The following PSPH variants were observed in gnomAD, a reference collection of about 807,000 sequenced individuals.
PSPH encodes phosphoserine phosphatase.
In PSPH, 16 loss-of-function variants were observed where a neutral mutation model predicts 23.4. The observed-to-expected ratio is 0.68, with a 90% confidence interval of 0.46 to 1.04. The LOEUF is 1.04. Ranked by LOEUF, PSPH falls within the 50% of genes least tolerant of loss-of-function variation. The probability of loss-of-function intolerance (pLI) is 0.00; values close to 1 mark genes in which losing one functional copy is unlikely to be tolerated. For synonymous variants in PSPH, 68 were observed against 99.7 expected, an observed-to-expected ratio of 0.68 and a Z score of 1.89; for missense variants, 223 against 273.7, an observed-to-expected ratio of 0.81 and a Z score of 1.31.
intron 1 of PSPH, among the ~76,000 whole-genome samples, chr7:56,041,570 A>C (rs1299274462): frequency 6.6e-6 from 1 of 152,024 alleles, no homozygotes. Flanking sequence ...AGTGAGCCCT[A>C]ATCTAATGTG....
chr7:56,026,551 C>T (rs545345052), intron 3 of PSPH, among the ~76,000 whole-genome samples: 2 of 148,150 alleles, frequency 1.3e-5, no homozygotes, highest in Non-Finnish European at 1.5e-5. Context: ...TGCCTGTTCC[C>T]AGGACTTTGG....
intron 3 of PSPH, among the ~76,000 whole-genome samples, chr7:56,023,450 TG>T (rs1312807146): frequency 6.6e-6 from 1 of 151,668 alleles, no homozygotes; most frequent in Non-Finnish European, 1.5e-5. Context: ...TTTGAAGAGA[TG>T]GGGGTCTTGC....
At chr7:56,048,266 C>T (rs1793512780) in intron 1 of PSPH, among the ~76,000 whole-genome samples, 1 of 141,122 alleles carries the variant, frequency 7.1e-6, no homozygotes, top group African/African-American at 2.6e-5. Flanking sequence ...GGCAAAAGAG[C>T]AACACTCTGT....
At chr7:56,041,265 T>C (rs867102093) in intron 1 of PSPH, among the ~76,000 whole-genome samples, 13 of 146,482 alleles carry the variant, frequency 8.9e-5, no homozygotes, top group African/African-American at 2.5e-4. Flanking sequence ...TAGGCTGGAG[T>C]GCAGTGGCAC....
intron 6 of PSPH, 67 bp from the exon 7 acceptor site, chr7:56,015,238 A>G (rs1222920608): frequency 1.9e-6 from 3 of 1,561,470 alleles, no homozygotes; most frequent in African/African-American, 2.7e-5. Flanking sequence ...AGCTTTCTGC[A>G]TAGATGATAT....
At chr7:56,013,327 G>A (rs1788184900) in intron 7 of PSPH, among the ~76,000 whole-genome samples, 1 of 151,814 alleles carries the variant, frequency 6.6e-6, no homozygotes, top group Non-Finnish European at 1.5e-5. Context: ...AGATTAGCCT[G>A]GGCAACATAG....
chr7:56,016,107 A>G (rs1252646823), intron 6 of PSPH, among the ~76,000 whole-genome samples: 1 of 151,190 alleles, frequency 6.6e-6, no homozygotes, highest in Non-Finnish European at 1.5e-5. Context: ...AGATCATTCA[A>G]GAATGTTCTG....
At chr7:56,032,664 A>C (rs1791179759) in intron 2 of PSPH, among the ~76,000 whole-genome samples, 2 of 145,480 alleles carry the variant, frequency 1.4e-5, no homozygotes, top group South Asian at 4.4e-4. Flanking sequence ...AAAAAAAAAA[A>C]AAAAGGCCGG....
chr7:56,047,698 G>C lies in PSPH; in HGVS notation c.-292+3440C>G, dbSNP rs1450217477. On this transcript the variant is annotated intron_variant, in intron 1 of 7. Coordinates refer to ENST00000275605, the MANE Select transcript of PSPH (RefSeq NM_004577.4). ...TTTTTTTTTTTTTGATAAGAGCCTC[G>C]CTCTGTCACCCAGGCTGGAGTGCAG... 2.7e-5 allele frequency among the ~76,000 whole-genome samples: 4 copies of C among 145,624 alleles called. No individual in the cohort carries two copies. In the South Asian group the frequency reaches 6.5e-4, roughly 24 times the overall value.
At chr7:56,037,340 T>G (rs1791850031) in intron 1 of PSPH, among the ~76,000 whole-genome samples, 1 of 152,010 alleles carries the variant, frequency 6.6e-6, no homozygotes, top group African/African-American at 2.4e-5. Flanking sequence ...TATTAGCAAA[T>G]TATTTTGCAA....
intron 1 of PSPH, among the ~76,000 whole-genome samples, chr7:56,048,910 G>C (rs897269358): frequency 1.3e-5 from 2 of 151,088 alleles, no homozygotes; most frequent in African/African-American, 4.9e-5. Context: ...CATCCTCTAG[G>C]GTTTTTTTGG....
rs13227670 is a variant in PSPH at position 56,029,291 on chromosome 7, T to G, written c.-20+2638A>C. 9.4e-3 allele frequency among the ~76,000 whole-genome samples: 1,433 copies of G among 152,198 alleles called. 13 individuals carry two copies. Among genetic ancestry groups the G allele is most frequent in the South Asian group, 0.021 (101 of 4,816 alleles). ...TCATTGCCAGAGAATGGACTCTGGATTCTTCGTATTTGGCTCTAACAGGGA... is the reference window on the plus strand; with the variant it reads ...TCATTGCCAGAGAATGGACTCTGGAGTCTTCGTATTTGGCTCTAACAGGGA... On this transcript the variant is annotated intron_variant, in intron 3 of 7. Coordinates refer to ENST00000275605, the MANE Select transcript of PSPH (RefSeq NM_004577.4).
chr7:56,042,426 G>A (rs1792674162), intron 1 of PSPH, among the ~76,000 whole-genome samples: 1 of 152,020 alleles, frequency 6.6e-6, no homozygotes, highest in African/African-American at 2.4e-5. Context: ...CAAAGCAGAA[G>A]GATTGCTTGA....
At chr7:56,037,527 T>A (rs551930556) in intron 1 of PSPH, among the ~76,000 whole-genome samples, 1 of 151,946 alleles carries the variant, frequency 6.6e-6, no homozygotes, top group African/African-American at 2.4e-5. Flanking sequence ...CAAGCAATCT[T>A]CCTGCCTCAG....
chr7:56,023,264 A>AC (rs1789715730), intron 3 of PSPH, among the ~76,000 whole-genome samples: 1 of 145,442 alleles, frequency 6.9e-6, no homozygotes, highest in Admixed American at 6.9e-5. Context: ...GTCAAAACAA[A>AC]TTTTTTTTTT....
chr7:56,019,817 C>A, intron 4 of PSPH, 83 bp from the exon 5 acceptor site: 1 of 1,571,966 alleles, frequency 6.4e-7, no homozygotes, highest in Non-Finnish European at 8.6e-7. Flanking sequence ...GTCTGCACGA[C>A]ATCCACCAAA....
rs532603179 is a variant in PSPH at position 56,011,897 on chromosome 7, G to T, written c.571-28C>A. On this transcript the variant is annotated intron_variant, in intron 7 of 7. Coordinates refer to ENST00000275605, the MANE Select transcript of PSPH (RefSeq NM_004577.4). Reference sequence around the variant, plus strand: ...AAGAAGGAAGAAAAGAGAGAGAAATGATTTTTATTTTTATTTATTTATTTA... The same window carrying T: ...AAGAAGGAAGAAAAGAGAGAGAAATTATTTTTATTTTTATTTATTTATTTA... The T allele has an allele frequency of 4.8e-4, 736 of 1,537,968 alleles. 7 individuals carry two copies. The South Asian group carries it at 7.1e-3, about 15-fold the overall frequency.
At chr7:56,040,902 CA>C (rs1355816783) in intron 1 of PSPH, among the ~76,000 whole-genome samples, 1 of 152,020 alleles carries the variant, frequency 6.6e-6, no homozygotes, top group African/African-American at 2.4e-5. Flanking sequence ...GGGCAAGCCT[CA>C]ATCAAGCAGA....
intron 1 of PSPH, among the ~76,000 whole-genome samples, chr7:56,037,627 C>T (rs2117025281): frequency 6.6e-6 from 1 of 152,110 alleles, no homozygotes; most frequent in African/African-American, 2.4e-5. Context: ...TCTCCAACTC[C>T]TGGGCTCAAG....
Sources: gnomAD v4.1 joint callset for allele counts (sites outside exome capture counted in the v4.1 genomes callset) on GRCh38, gnomAD v4.1.1 for gene constraint, MANE v1.5 for transcripts, NCBI Gene and HGNC (gene_info 2026-07-23, HGNC 2026-07-21) for gene names.